UTRN: variants seen among roughly 807,000 people sequenced by gnomAD.
UTRN encodes the protein dystrophin-related protein 1.
A neutral mutation model predicts 463.9 loss-of-function variants in UTRN; 283 were observed. The ratio of observed to expected loss-of-function variants is 0.61; its 90% CI spans 0.55 to 0.67. The LOEUF (loss-of-function observed/expected upper bound fraction) is 0.67, where lower values mean the gene tolerates loss of function less well. Ranked by LOEUF, UTRN falls within the 30% of genes least tolerant of loss-of-function variation. The probability of loss-of-function intolerance (pLI) is 0.00; values close to 1 mark genes in which losing one functional copy is unlikely to be tolerated. For missense variants in UTRN, 3,922 were observed against 4,084.3 expected, an observed-to-expected ratio of 0.96 and a Z score of 1.08; for synonymous variants, 1,442 against 1,431.5, an observed-to-expected ratio of 1.01 and a Z score of -0.17.
chr6:144,405,654 A>C (rs1783328240), intron 3 of UTRN, among the ~76,000 whole-genome samples: 1 of 152,158 alleles, frequency 6.6e-6, no homozygotes, highest in Non-Finnish European at 1.5e-5. Flanking sequence ...GTGCTGAGAA[A>C]TCCAAACAGA....
intron 74 of UTRN, among the ~76,000 whole-genome samples, chr6:144,847,265 T>C (rs1327426895): frequency 6.6e-6 from 1 of 152,232 alleles, no homozygotes; most frequent in Non-Finnish European, 1.5e-5. Context: ...TGTTGGCAGC[T>C]GTACCCTTAT....
intron 8 of UTRN, 77 bp downstream of exon 8, chr6:144,428,970 C>A: frequency 1.0e-6 from 1 of 972,232 alleles, no homozygotes. Context: ...TTTCTTTGTC[C>A]TTTTAAAAAT....
chr6:144,572,132 G>A (rs1800996840), intron 50 of UTRN, among the ~76,000 whole-genome samples: 1 of 152,152 alleles, frequency 6.6e-6, no homozygotes, highest in Admixed American at 6.6e-5. Flanking sequence ...GGAATACAGA[G>A]TGGTGGCAAC....
intron 2 of UTRN, among the ~76,000 whole-genome samples, chr6:144,304,403 C>T (rs1035849907): frequency 1.3e-5 from 2 of 152,140 alleles, no homozygotes; most frequent in Non-Finnish European, 2.9e-5. Context: ...GAATAAGACA[C>T]AGTTCCAGTT....
chr6:144,660,701 C>T (rs1039813155), intron 51 of UTRN, among the ~76,000 whole-genome samples: 7 of 152,192 alleles, frequency 4.6e-5, no homozygotes, highest in African/African-American at 1.7e-4. Context: ...CACTGCCTGC[C>T]GTGCACTGCC....
intron 41 of UTRN, among the ~76,000 whole-genome samples, chr6:144,529,829 G>A (rs1400288878): frequency 6.6e-6 from 1 of 151,996 alleles, no homozygotes; most frequent in Non-Finnish European, 1.5e-5. Flanking sequence ...AGATCTCAGA[G>A]ATCACTTCTA....
intron 54 of UTRN, among the ~76,000 whole-genome samples, chr6:144,736,592 A>G (rs1042918951): frequency 2.0e-5 from 3 of 152,152 alleles, no homozygotes; most frequent in Admixed American, 6.6e-5. Context: ...GCCTATTTCA[A>G]TATATTCTTA....
intron 16 of UTRN, among the ~76,000 whole-genome samples, chr6:144,448,095 A>G (rs1257533086): frequency 6.6e-6 from 1 of 152,238 alleles, no homozygotes; most frequent in Non-Finnish European, 1.5e-5. Context: ...TGGTTTGTAG[A>G]CAGATATTCT....
intron 51 of UTRN, among the ~76,000 whole-genome samples, chr6:144,643,151 T>C (rs1479316952): frequency 1.3e-5 from 2 of 152,124 alleles, no homozygotes. Flanking sequence ...AGGCTAAACT[T>C]AAAGGTACTG....
intron 61 of UTRN, among the ~76,000 whole-genome samples, chr6:144,786,410 C>T (rs9497077): frequency 0.017 from 2,631 of 152,212 alleles, 69 homozygotes; most frequent in African/African-American, 0.059. Flanking sequence ...CTCAGTCTCC[C>T]GAGTAGCTGG....
intron 61 of UTRN, 123 bp downstream of exon 61, chr6:144,782,246 TTA>T (rs914193468): frequency 8.5e-6 from 7 of 821,670 alleles, no homozygotes; most frequent in African/African-American, 3.5e-5. Flanking sequence ...GTGGAAATAT[TTA>T]TGTTTGTTGT....
rs574399702 is a variant in UTRN at position 144,523,292 on chromosome 6, A to G, written c.5906+104A>G. On this transcript the variant is annotated intron_variant, in intron 41 of 74. Transcript: ENST00000367545. ...TGAGATTAATGAGAACATGTTTCAT[A>G]TCCTTGTAGGATGCCCTATTATTTT... 4 of 929,666 alleles carry G rather than the reference A, an allele frequency of 4.3e-6. No homozygotes were observed. In the Admixed American group the frequency reaches 1.1e-4, roughly 26 times the overall value. The allele number at this position is 929,666 out of a possible 1,614,324, so 57.6% of individuals were successfully genotyped here.
chr6:144,761,649 A>C (rs1792696323), intron 58 of UTRN, among the ~76,000 whole-genome samples: 1 of 151,990 alleles, frequency 6.6e-6, no homozygotes, highest in Non-Finnish European at 1.5e-5. Flanking sequence ...CTGTCTCCTT[A>C]AAAAATAATA....
intron 2 of UTRN, among the ~76,000 whole-genome samples, chr6:144,394,445 T>G (rs1782214526): frequency 6.6e-6 from 1 of 152,200 alleles, no homozygotes; most frequent in Admixed American, 6.5e-5. Context: ...ACCTCCATGA[T>G]TTATCTTCTA....
intron 65 of UTRN, among the ~76,000 whole-genome samples, chr6:144,815,369 T>A (rs916575109): frequency 6.6e-6 from 1 of 152,160 alleles, no homozygotes; most frequent in Admixed American, 6.5e-5. Flanking sequence ...ACTAATAGGA[T>A]AGATGTATAT....
At chr6:144,317,947 G>T (rs141321752) in intron 2 of UTRN, among the ~76,000 whole-genome samples, 1 of 152,236 alleles carries the variant, frequency 6.6e-6, no homozygotes, top group East Asian at 1.9e-4. Flanking sequence ...CCTGGAAATA[G>T]CTTCCAGATG....
At chr6:144,518,936 C>CT (rs1795858493) in intron 39 of UTRN, among the ~76,000 whole-genome samples, 1 of 152,104 alleles carries the variant, frequency 6.6e-6, no homozygotes, top group Non-Finnish European at 1.5e-5. Flanking sequence ...GTGCCCAAAT[C>CT]TAATTCCTGA....
intron 58 of UTRN, among the ~76,000 whole-genome samples, chr6:144,763,607 C>T (rs958581608): frequency 6.6e-6 from 1 of 152,110 alleles, no homozygotes; most frequent in Admixed American, 6.6e-5. Context: ...AAGAATTGTG[C>T]GCCAGCTTAG....
Position 144,429,592 on chromosome 6 carries a change from C to G in UTRN, c.706C>G (p.Gln236Glu). 2 of 1,600,026 alleles carry G rather than the reference C, an allele frequency of 1.2e-6. No homozygotes were observed. The highest frequency in any genetic ancestry group is 1.7e-6 in the Non-Finnish European group (2 of 1,173,718). The change falls in exon 9 of 75, where the codon CAG becomes GAG. Residue 236 changes from glutamine (Q) to glutamate (E), a missense_variant. Around this residue, in one of 3 missense-constraint regions of UTRN, gnomAD observed 264 missense variants for 327.9 expected, o/e 0.81. Coordinates refer to ENST00000367545, the MANE Select transcript of UTRN (RefSeq NM_007124.3). ...TCTTCCACTTTTAGATGTTGCCGTT[C>G]AGCTTCCTGACAAGAAATCCATAAT... is the stretch of plus-strand genomic sequence containing the variant. ...KLLDPEDVAV[Q>E]LPDKKSIIMY...
Sources: gnomAD v4.1 joint callset for allele counts (sites outside exome capture counted in the v4.1 genomes callset) on GRCh38, gnomAD v4.1.1 for gene constraint, gnomAD v4.1.1 regional missense constraint, MANE v1.5 for transcripts, NCBI Gene and HGNC (gene_info 2026-07-23, HGNC 2026-07-21) for gene names.